GRHL1: variants seen among roughly 807,000 people sequenced by gnomAD.
The protein encoded by GRHL1 is grainyhead like transcription factor 1, also known as grainyhead-like protein 1 homolog.
A neutral mutation model predicts 75.7 loss-of-function variants in GRHL1; 38 were observed. The observed-to-expected ratio is 0.50, with a 90% CI of 0.39 to 0.66. The LOEUF is 0.66. GRHL1 is among the 30% of genes least tolerant of loss of function. The probability of loss-of-function intolerance (pLI) is 0.00; values close to 1 mark genes in which losing one functional copy is unlikely to be tolerated. For synonymous variants in GRHL1, 266 were observed against 279.4 expected (o/e 0.95, Z 0.48); for missense variants, 589 against 767.5 (o/e 0.77, Z 2.75).
rs1219871892 is a variant in GRHL1, at chr2:9,990,932, G to A, written c.1321+185G>A. Among the ~76,000 whole-genome samples the A allele has an allele frequency of 7.1e-6, 1 of 141,682 alleles. No individual in the cohort carries two copies. The highest frequency in any genetic ancestry group is 1.5e-5 in the Non-Finnish European group (1 of 64,734). 92.9% of individuals were successfully genotyped at this position (141,682 alleles called of 152,430 possible). On this transcript the variant is annotated intron_variant, in intron 10 of 15. Transcript: ENST00000324907. The surrounding 1 kb of genome is among the most constrained non-coding windows in gnomAD (Gnocchi z 4.2). Reference sequence around the variant, plus strand: ...TCAGCAGCAGATGCCAGCTCAGCGGGAGGGGTTTTCCTGGGGACTACAGGA... The same window carrying A: ...TCAGCAGCAGATGCCAGCTCAGCGGAAGGGGTTTTCCTGGGGACTACAGGA...
chr2:9,998,825 CAT>C (rs374825113), intron 14 of GRHL1, 138 bp from the exon 15 acceptor site: 1,057 of 76,812 alleles, frequency 0.014, 152 homozygotes, highest in African/African-American at 0.06. Context: ...TATATGTACA[CAT>C]ATATATATAC....
intron 2 of GRHL1, among the ~76,000 whole-genome samples, chr2:9,957,413 A>T (rs1572332389): frequency 7.0e-6 from 1 of 143,380 alleles, no homozygotes; most frequent in Non-Finnish European, 1.5e-5. Context: ...ATGAAGCAGT[A>T]TTTTTTTTTT....
chr2:9,989,425 CGT>C (rs1314905069), intron 9 of GRHL1, among the ~76,000 whole-genome samples: 12 of 152,182 alleles, frequency 7.9e-5, no homozygotes, highest in Middle Eastern at 3.4e-3. Flanking sequence ...GATTTTGGGC[CGT>C]GTTTGTTACT....
chr2:9,981,537 T>G (rs997787305), intron 8 of GRHL1, among the ~76,000 whole-genome samples: 1 of 152,220 alleles, frequency 6.6e-6, no homozygotes, highest in African/African-American at 2.4e-5. Flanking sequence ...AAATCAAGTT[T>G]TATCGAAACA....
chr2:9,984,937 G>A (rs142272060), intron 8 of GRHL1, among the ~76,000 whole-genome samples: 1,604 of 151,672 alleles, frequency 0.011, 26 homozygotes, highest in Middle Eastern at 0.061. Flanking sequence ...GCGTGGTGGC[G>A]CACACCTGTG....
chr2:9,952,281 G>C (rs780002061), intron 1 of GRHL1, among the ~76,000 whole-genome samples: 52 of 152,210 alleles, frequency 3.4e-4, no homozygotes, highest in Non-Finnish European at 6.9e-4. Context: ...CGTCGGGACA[G>C]GTGGACTTCT....
chr2:9,953,309 T>TA (rs1163026089), intron 1 of GRHL1, among the ~76,000 whole-genome samples: 3 of 152,264 alleles, frequency 2.0e-5, no homozygotes, highest in Non-Finnish European at 4.4e-5. Flanking sequence ...AAGTAGCTAT[T>TA]ACGCTATTAA....
intron 8 of GRHL1, among the ~76,000 whole-genome samples, chr2:9,972,919 C>T (rs1667791215): frequency 6.6e-6 from 1 of 151,942 alleles, no homozygotes; most frequent in African/African-American, 2.4e-5. Flanking sequence ...TTCCCTGGCT[C>T]CCTGCACTCC....
chr2:9,981,869 C>G (rs1668211400), intron 8 of GRHL1, among the ~76,000 whole-genome samples: 1 of 152,224 alleles, frequency 6.6e-6, no homozygotes, highest in Non-Finnish European at 1.5e-5. Context: ...GACATCACAT[C>G]ATGCTTTGTC....
In GRHL1 at chr2:9,986,171, G is replaced by A. The variant is rs1668408053; in HGVS notation, c.1158G>A (p.Lys386=). ...TAAGCACAGATTTCTCTTCCCAGAA[G>A]GGAGTGAAGGGGTTGCCTCTTAACA... ...NCLSTDFSSQ[K]GVKGLPLNIQ... The change falls in exon 9 of 16, where the codon AAG becomes AAA. Residue 386 remains lysine (K), a synonymous_variant. Transcript: ENST00000324907. 26 of 1,613,680 alleles carry A rather than the reference G, an allele frequency of 1.6e-5. No individual in the cohort carries two copies. Among genetic ancestry groups the A allele is most frequent in the Non-Finnish European group, 2.2e-5 (26 of 1,179,772 alleles).
intron 5 of GRHL1, among the ~76,000 whole-genome samples, chr2:9,963,042 AT>A (rs1219975341): frequency 6.6e-6 from 1 of 152,096 alleles, no homozygotes; most frequent in Non-Finnish European, 1.5e-5. Context: ...AGGAACTCAT[AT>A]TTTGTTTTAT....
chr2:9,967,029 A>G (rs1379473005), intron 8 of GRHL1, among the ~76,000 whole-genome samples: 1 of 152,242 alleles, frequency 6.6e-6, no homozygotes, highest in Non-Finnish European at 1.5e-5. Flanking sequence ...CGAACAGCCT[A>G]TGAAAAGTAT....
chr2:9,972,767 A>G (rs369232796), intron 8 of GRHL1, among the ~76,000 whole-genome samples: 528 of 152,358 alleles, frequency 3.5e-3, no homozygotes, highest in Middle Eastern at 0.017. Context: ...GTTTGGAACA[A>G]CAGGTGCCAA....
intron 8 of GRHL1, among the ~76,000 whole-genome samples, chr2:9,971,376 T>C (rs1667716628): frequency 6.6e-6 from 1 of 152,134 alleles, no homozygotes; most frequent in Non-Finnish European, 1.5e-5. Flanking sequence ...ATTGCAAATG[T>C]AGGCAGGAGA....
rs956691395 is a variant in GRHL1, at chr2:9,990,425, A to G, written c.1270-271A>G. Among the ~76,000 whole-genome samples, 1 of 152,208 alleles carries G rather than the reference A, an allele frequency of 6.6e-6. No homozygotes were observed. The highest frequency in any genetic ancestry group is 2.4e-5 in the African/African-American group (1 of 41,454). On this transcript the variant is annotated intron_variant, in intron 9 of 15. Coordinates refer to ENST00000324907, the MANE Select transcript of GRHL1 (RefSeq NM_198182.3). The surrounding 1 kb of genome is among the most constrained non-coding windows in gnomAD (Gnocchi z 4.2). ...CTCGGCCTCCCAAAGTGCTGGGATT[A>G]CAGGCATGAGCTACCGCTTCCGGCC...
intron 14 of GRHL1, 48 bp downstream of exon 14, chr2:9,996,449 G>A (rs781559927): frequency 2.5e-6 from 3 of 1,183,582 alleles, no homozygotes; most frequent in Non-Finnish European, 3.8e-6. Context: ...GAAAGGACAA[G>A]TACATAGGAT....
chr2:9,984,069 G>A (rs1237309160), intron 8 of GRHL1, among the ~76,000 whole-genome samples: 2 of 152,020 alleles, frequency 1.3e-5, no homozygotes, highest in African/African-American at 2.4e-5. Context: ...CAGGAGAATC[G>A]CTTGAACCCG....
At chr2:9,975,778 T>G (rs1381778081) in intron 8 of GRHL1, among the ~76,000 whole-genome samples, 1 of 151,732 alleles carries the variant, frequency 6.6e-6, no homozygotes, top group African/African-American at 2.4e-5. Context: ...CTCAGCTACT[T>G]GGGAGACTGA....
In GRHL1 at chr2:9,999,025, AAG is replaced by A. The variant is rs763187668; in HGVS notation, c.1739_1740del (p.Lys580ArgfsTer17). The A allele has an allele frequency of 6.4e-7, 1 of 1,558,854 alleles. No individual in the cohort carries two copies. Among genetic ancestry groups the A allele is most frequent in the African/African-American group, 1.4e-5 (1 of 72,590 alleles). ...TGGGAAAATATTCAAGAAGTGTAAA[AAG>A]GGGTAAGCAGCCACTGCGTCCTGTG... ...KIGKIFKKCK[K>X]GILVNMDDNI... is the part of the protein sequence containing the mutation. On this transcript the variant is annotated frameshift_variant and splice_region_variant, in exon 15 of 16. Transcript: ENST00000324907. LOFTEE classifies it high-confidence loss of function.
Sources: gnomAD v4.1 joint callset for allele counts (sites outside exome capture counted in the v4.1 genomes callset) on GRCh38, gnomAD v4.1.1 for gene constraint, Gnocchi (gnomAD v3.1) non-coding constraint, MANE v1.5 for transcripts, NCBI Gene and HGNC (gene_info 2026-07-23, HGNC 2026-07-21) for gene names.